Variants in LYRM4 observed in about 807,000 individuals in gnomAD.
The protein encoded by LYRM4 is LYR motif-containing protein 4.
LYRM4 carries 9 observed loss-of-function variants against 11.7 expected under a neutral mutation model. The observed-to-expected ratio is 0.77, with a 90% confidence interval of 0.46 to 1.34. The LOEUF is 1.34. Ranked by LOEUF, LYRM4 falls within the 40% of genes most tolerant of loss-of-function variation. The pLI, the probability that LYRM4 is intolerant of heterozygous loss-of-function variation, is 0.00. For synonymous variants in LYRM4, 42 were observed against 40.4 expected (o/e 1.04, Z -0.15); for missense variants, 133 against 112.5 (o/e 1.18, Z -0.82).
Position 5,260,656 on chromosome 6 carries a change from G to GT in LYRM4, c.77dup (p.Tyr26Ter). 2 of 1,506,868 alleles carry GT rather than the reference G, an allele frequency of 1.3e-6. No individual in the cohort carries two copies. The highest frequency in any genetic ancestry group is 1.8e-6 in the Non-Finnish European group (2 of 1,124,258). The allele number at this position is 1,506,868 out of a possible 1,614,324, so 93.3% of individuals were successfully genotyped here. The stretch of plus-strand genomic sequence containing the variant: ...GGTGCCCGCTGGGTCACCTGTAATT[G>GT]TAGGCGCTGAAACGCTTGCTCTCTC... ...MLRESKRFSA[Y>*]NYRTYAVRRI... Residue 26 changes from tyrosine (Y) to a stop codon, truncating the protein, a stop_gained and frameshift_variant, in exon 1 of 3, where the codon TAC (tyrosine) becomes TAAC (stop). Coordinates refer to ENST00000330636, the MANE Select transcript of LYRM4 (RefSeq NM_020408.6). LOFTEE classifies it high-confidence loss of function.
chr6:5,162,326 T>C (rs1056752555), intron 2 of LYRM4, among the ~76,000 whole-genome samples: 19 of 152,196 alleles, frequency 1.2e-4, no homozygotes, highest in Non-Finnish European at 2.5e-4. Flanking sequence ...AAAATCCCAC[T>C]AAGTCTCCAG....
the LYRM4 span, among the ~76,000 whole-genome samples, chr6:5,077,750 G>A: frequency 6.6e-6 from 1 of 151,852 alleles, no homozygotes; most frequent in Non-Finnish European, 1.5e-5. Context: ...ATTTTTATTT[G>A]GTGGAAATAT....
At chr6:5,112,426 AAGAC>A (rs1023184650) in intron 2 of LYRM4, among the ~76,000 whole-genome samples, 4 of 152,214 alleles carry the variant, frequency 2.6e-5, no homozygotes, top group Non-Finnish European at 4.4e-5. Flanking sequence ...CTCTGCCGCG[AAGAC>A]AGACAGGCAG....
intron 2 of LYRM4, among the ~76,000 whole-genome samples, chr6:5,159,702 C>T (rs1476027775): frequency 6.6e-6 from 1 of 152,190 alleles, no homozygotes; most frequent in African/African-American, 2.4e-5. Flanking sequence ...CCTTACAATT[C>T]ATACCTATCT....
intron 1 of LYRM4, among the ~76,000 whole-genome samples, chr6:5,254,923 G>C (rs1447483115): frequency 1.3e-5 from 2 of 152,166 alleles, no homozygotes; most frequent in Admixed American, 1.3e-4. Flanking sequence ...ACTCACGGCA[G>C]CAATTTACGC....
intron 2 of LYRM4, among the ~76,000 whole-genome samples, chr6:5,159,404 G>C (rs1343392445): frequency 6.6e-6 from 1 of 152,250 alleles, no homozygotes; most frequent in Admixed American, 6.5e-5. Flanking sequence ...ATTTTCCAGA[G>C]AAACTGGTCA....
chr6:5,192,272 G>A (rs1293914863), intron 2 of LYRM4, among the ~76,000 whole-genome samples: 1 of 152,148 alleles, frequency 6.6e-6, no homozygotes, highest in Non-Finnish European at 1.5e-5. Flanking sequence ...GGGGTAGGGT[G>A]GTGGAGGGAC....
the LYRM4 span, among the ~76,000 whole-genome samples, chr6:5,097,185 C>T: frequency 2.1e-3 from 314 of 152,236 alleles, 1 homozygote; most frequent in African/African-American, 4.1e-3. Flanking sequence ...TGACGCAGAG[C>T]GTCACATGGT....
At chr6:5,240,256 T>A (rs1263890841) in intron 1 of LYRM4, among the ~76,000 whole-genome samples, 1 of 152,100 alleles carries the variant, frequency 6.6e-6, no homozygotes, top group Admixed American at 6.5e-5. Flanking sequence ...TCCTTTCTCT[T>A]CATTTTTTCT....
At chr6:5,037,630 G>A in the LYRM4 span, among the ~76,000 whole-genome samples, 1 of 64,978 alleles carries the variant, frequency 1.5e-5, no homozygotes, top group African/African-American at 4.1e-5. Flanking sequence ...CGGCTGGCCG[G>A]GCGGGGGGCT....
chr6:5,033,996 G>A, the LYRM4 span: 1 of 152,288 alleles, frequency 6.6e-6, no homozygotes, highest in Non-Finnish European at 1.5e-5. Context: ...AGAAACAAGT[G>A]GTCCTTCCTG....
chr6:5,238,447 T>C (rs1309105369), intron 1 of LYRM4, among the ~76,000 whole-genome samples: 1 of 152,362 alleles, frequency 6.6e-6, no homozygotes, highest in East Asian at 1.9e-4. Flanking sequence ...AGGATTTGTG[T>C]TTAAAGAGAC....
chr6:5,129,726 C>T (rs1280713664), intron 2 of LYRM4, among the ~76,000 whole-genome samples: 1 of 152,182 alleles, frequency 6.6e-6, no homozygotes, highest in East Asian at 1.9e-4. Flanking sequence ...ATTCAGCCTA[C>T]CAGATCTTCC....
At chr6:5,205,980 C>T (rs917266274) in intron 2 of LYRM4, among the ~76,000 whole-genome samples, 1 of 152,228 alleles carries the variant, frequency 6.6e-6, no homozygotes, top group Non-Finnish European at 1.5e-5. Context: ...GGCCCCGCTG[C>T]TGGAGCCGAC....
chr6:5,084,327 G>A, the LYRM4 span, among the ~76,000 whole-genome samples: 2 of 152,192 alleles, frequency 1.3e-5, no homozygotes, highest in Non-Finnish European at 2.9e-5. Flanking sequence ...TCGGGCCTTG[G>A]CCCCTGGCAA....
At chr6:5,163,413 T>C (rs2127657195) in intron 2 of LYRM4, among the ~76,000 whole-genome samples, 1 of 152,250 alleles carries the variant, frequency 6.6e-6, no homozygotes, top group East Asian at 1.9e-4. Context: ...ACCGATCAGT[T>C]TGCCTAGCCT....
chr6:5,191,999 A>C (rs185885132), intron 2 of LYRM4, among the ~76,000 whole-genome samples: 13 of 152,326 alleles, frequency 8.5e-5, no homozygotes, highest in African/African-American at 2.9e-4. Context: ...AATGTCATAA[A>C]AGTTAAAAAA....
chr6:5,063,666 G>GGT, the LYRM4 span, among the ~76,000 whole-genome samples: 5 of 152,156 alleles, frequency 3.3e-5, no homozygotes, highest in African/African-American at 1.2e-4. Flanking sequence ...CACTGCTCCT[G>GGT]GTGTGTGTGG....
chr6:5,200,942 C>A (rs1008056486), intron 2 of LYRM4, among the ~76,000 whole-genome samples: 1 of 152,128 alleles, frequency 6.6e-6, no homozygotes, highest in African/African-American at 2.4e-5. Context: ...CCCAGTAATA[C>A]CGTGTAAAAC....
Sources: allele counts gnomAD v4.1 joint callset (sites outside exome capture counted in the v4.1 genomes callset), GRCh38; gene constraint gnomAD v4.1.1; transcripts MANE v1.5; gene names NCBI Gene and HGNC (gene_info 2026-07-23, HGNC 2026-07-21).